DPF3: variants seen among roughly 807,000 people sequenced by gnomAD.
DPF3 encodes double PHD fingers 3, also known as zinc finger protein DPF3.
DPF3 carries 18 observed loss-of-function variants against 56.8 expected under a neutral mutation model. That is an observed-to-expected ratio of 0.32 (90% CI 0.22 to 0.47). The LOEUF is 0.47. Among genes scored for constraint, DPF3 ranks in the 20% least tolerant of loss-of-function variants. The probability of loss-of-function intolerance (pLI) is 1.00; values close to 1 mark genes in which losing one functional copy is unlikely to be tolerated. For missense variants in DPF3, 403 were observed against 488.8 expected (o/e 0.82, Z 1.65); for synonymous variants, 188 against 180.2 (o/e 1.04, Z -0.35).
At chr14:72,722,986 C>G (rs373954078) in intron 5 of DPF3, among the ~76,000 whole-genome samples, 2 of 152,066 alleles carry the variant, frequency 1.3e-5, no homozygotes, top group African/African-American at 4.8e-5. Flanking sequence ...CTGCAGCCCC[C>G]TGCTACCCCG....
In DPF3 at chr14:72,766,307, A is replaced by G. The variant is rs1431265275; in HGVS notation, c.193+5426T>C. Among the ~76,000 whole-genome samples, 3 of 152,232 alleles carry G rather than the reference A, an allele frequency of 2.0e-5. No individual in the cohort carries two copies. The East Asian group carries it at 5.8e-4, about 29-fold the overall frequency. On this transcript the variant is annotated intron_variant, in intron 2 of 10. Coordinates refer to ENST00000556509, the MANE Select transcript of DPF3 (RefSeq NM_001280542.3). ...AAATATCCTGGACATTATTCATAGA[A>G]CAGACATAAGAAATAACTGAAAGAT...
intron 3 of DPF3, among the ~76,000 whole-genome samples, chr14:72,750,585 C>T (rs559935117): frequency 6.6e-6 from 1 of 151,798 alleles, no homozygotes; most frequent in Non-Finnish European, 1.5e-5. Context: ...TGAGAACAGC[C>T]CGGTTAGACA....
At chr14:72,691,582 C>T in intron 7 of DPF3, among the ~76,000 whole-genome samples, 1 of 152,056 alleles carries the variant, frequency 6.6e-6, no homozygotes, top group East Asian at 1.9e-4. Flanking sequence ...CAAAAATTAG[C>T]TGGGGGTGGT....
At chr14:72,777,110 T>C (rs1364780459) in intron 1 of DPF3, among the ~76,000 whole-genome samples, 1 of 152,168 alleles carries the variant, frequency 6.6e-6, no homozygotes, top group Non-Finnish European at 1.5e-5. Flanking sequence ...CCCTGGCCTG[T>C]GGCAGGATTG....
At chr14:72,857,343 A>T (rs963215793) in intron 1 of DPF3, among the ~76,000 whole-genome samples, 2 of 152,218 alleles carry the variant, frequency 1.3e-5, no homozygotes, top group Non-Finnish European at 2.9e-5. Context: ...TAAACTTATT[A>T]AAAAGCTTGT....
chr14:72,866,674 C>T (rs780938271), intron 1 of DPF3, among the ~76,000 whole-genome samples: 6 of 150,388 alleles, frequency 4.0e-5, no homozygotes, highest in African/African-American at 1.2e-4. Flanking sequence ...CTGACCAACA[C>T]GAAGAAACCC....
chr14:72,768,928 AGTGTCTGTGT>A (rs1235886198), intron 2 of DPF3, among the ~76,000 whole-genome samples: 2 of 110,926 alleles, frequency 1.8e-5, no homozygotes, highest in African/African-American at 3.8e-5. Flanking sequence ...ACTGTGTGTG[AGTGTCTGTGT>A]GTGTGTGTGT....
At chr14:72,693,651 A>C (rs1485840537) in intron 6 of DPF3, among the ~76,000 whole-genome samples, 3 of 152,206 alleles carry the variant, frequency 2.0e-5, no homozygotes, top group Non-Finnish European at 4.4e-5. Flanking sequence ...TTCAAAGGGC[A>C]CTGGGAATCT....
chr14:72,750,791 CAAAAAAAAAAAAAAA>C (rs35754238), intron 3 of DPF3, among the ~76,000 whole-genome samples: 1 of 65,952 alleles, frequency 1.5e-5, no homozygotes, highest in Non-Finnish European at 2.6e-5. Context: ...GAAAGAATCT[CAAAAAAAAAAAAAAA>C]AAAAAAAAAA....
At chr14:72,800,932 AG>A (rs1567237280) in intron 1 of DPF3, among the ~76,000 whole-genome samples, 1 of 152,228 alleles carries the variant, frequency 6.6e-6, no homozygotes, top group East Asian at 1.9e-4. Flanking sequence ...CTGACAATAT[AG>A]GAAAGGAGAT....
At chr14:72,732,559 G>A (rs765853347) in intron 3 of DPF3, among the ~76,000 whole-genome samples, 4 of 152,190 alleles carry the variant, frequency 2.6e-5, no homozygotes, top group Non-Finnish European at 5.9e-5. Flanking sequence ...GAAGAGGAGC[G>A]ACGGCGAATG....
At chr14:72,818,716 T>C (rs1240548285) in intron 1 of DPF3, among the ~76,000 whole-genome samples, 2 of 152,162 alleles carry the variant, frequency 1.3e-5, no homozygotes, top group South Asian at 4.1e-4. Context: ...TTGTTTAAGA[T>C]AGGAGATATG....
chr14:72,865,423 TGAA>T, intron 1 of DPF3, among the ~76,000 whole-genome samples: 1 of 152,380 alleles, frequency 6.6e-6, no homozygotes, highest in South Asian at 2.1e-4. Context: ...AAGGGCCTTC[TGAA>T]GAAGTGGCTT....
chr14:72,619,393 A>G, intron 10 of DPF3, 26 bp from the exon 11 acceptor site: 1 of 1,535,776 alleles, frequency 6.5e-7, no homozygotes, highest in Non-Finnish European at 8.7e-7. Context: ...CGGCTTTAGT[A>G]GCAGCCCCTC....
intron 4 of DPF3, among the ~76,000 whole-genome samples, chr14:72,729,449 G>C (rs1244079133): frequency 6.6e-6 from 1 of 152,092 alleles, no homozygotes; most frequent in Non-Finnish European, 1.5e-5. Flanking sequence ...AGTGGAGTCA[G>C]AGAGGGGTGA....
chr14:72,703,900 G>T (rs112743683), intron 6 of DPF3, among the ~76,000 whole-genome samples: 4,804 of 152,282 alleles, frequency 0.032, 110 homozygotes, highest in Non-Finnish European at 0.047. Context: ...CCCAGCTTAG[G>T]TGTTAAATAA....
At chr14:72,858,831 G>A (rs763455883) in intron 1 of DPF3, among the ~76,000 whole-genome samples, 2 of 152,156 alleles carry the variant, frequency 1.3e-5, no homozygotes, top group Non-Finnish European at 2.9e-5. Flanking sequence ...TGGATTTGGG[G>A]TGATAATTTT....
intron 1 of DPF3, among the ~76,000 whole-genome samples, chr14:72,844,307 G>A (rs927828107): frequency 6.6e-6 from 1 of 152,164 alleles, no homozygotes; most frequent in Non-Finnish European, 1.5e-5. Context: ...ATTCAATAGA[G>A]TCAATTTTAA....
intron 1 of DPF3, among the ~76,000 whole-genome samples, chr14:72,857,113 G>A (rs928740751): frequency 1.4e-4 from 21 of 152,200 alleles, no homozygotes; most frequent in Admixed American, 5.9e-4. Context: ...GTCTTGCACC[G>A]AGCCCTTTGC....
Sources: gnomAD v4.1 joint callset for allele counts (sites outside exome capture counted in the v4.1 genomes callset) on GRCh38, gnomAD v4.1.1 for gene constraint, MANE v1.5 for transcripts, NCBI Gene and HGNC (gene_info 2026-07-23, HGNC 2026-07-21) for gene names.